DPYSL3: variants seen among roughly 807,000 people sequenced by gnomAD.
The protein encoded by DPYSL3 is dihydropyrimidinase-related protein 3.
A neutral mutation model predicts 66.1 loss-of-function variants in DPYSL3; 16 were observed. That is an observed-to-expected ratio of 0.24 (90% CI 0.16 to 0.37). The LOEUF (loss-of-function observed/expected upper bound fraction) is 0.37, where lower values mean the gene tolerates loss of function less well. Ranked by LOEUF, DPYSL3 falls within the 10% of genes least tolerant of loss-of-function variation. DPYSL3 has a pLI of 1.00. For missense variants in DPYSL3, 738 were observed against 916.2 expected (o/e 0.81, Z 2.51); for synonymous variants, 338 against 345.1 (o/e 0.98, Z 0.23).
intron 1 of DPYSL3, among the ~76,000 whole-genome samples, chr5:147,484,985 C>T (rs1753309039): frequency 6.6e-6 from 1 of 152,162 alleles, no homozygotes; most frequent in African/African-American, 2.4e-5. Flanking sequence ...GTGGGCCATA[C>T]TTTTTATATT....
rs1757783748 is a variant in DPYSL3, at chr5:147,391,021, A to G, written c.*3014T>C. 6.6e-6 allele frequency: 1 copy of G among 152,654 alleles called. No homozygotes were observed. Among genetic ancestry groups the G allele is most frequent in the South Asian group, 2.1e-4 (1 of 4,830 alleles). The allele number at this position is 152,654 out of a possible 1,614,324, so 9.5% of individuals were successfully genotyped here. ...CAGACACAGAACTGAACACCCACAC[A>G]CCAGTTTTCAAAGAGGGAACTTACA... On this transcript the variant is annotated 3_prime_UTR_variant, in exon 14 of 14. Coordinates refer to ENST00000343218, the MANE Select transcript of DPYSL3 (RefSeq NM_001197294.2).
At chr5:147,477,317 C>G (rs904622965) in intron 1 of DPYSL3, among the ~76,000 whole-genome samples, 2 of 151,470 alleles carry the variant, frequency 1.3e-5, no homozygotes, top group African/African-American at 4.9e-5. Context: ...ATAACTATGA[C>G]CAGATAGCCC....
intron 1 of DPYSL3, among the ~76,000 whole-genome samples, chr5:147,425,399 A>C (rs1407164554): frequency 6.6e-6 from 1 of 152,224 alleles, no homozygotes; most frequent in Non-Finnish European, 1.5e-5. Context: ...ACAAGGAAAG[A>C]AGCTTTTAGA....
rs985633099 is a variant in DPYSL3, at chr5:147,456,581, A to ATT, written c.382-31620_382-31619dup. ...TCTTTCAGCAAATGCTACTGATTCT[A>ATT]TTTTTTTTTTTTTTTTTTTTTTTTT... On this transcript the variant is annotated intron_variant, in intron 1 of 13. Coordinates refer to ENST00000343218, the MANE Select transcript of DPYSL3 (RefSeq NM_001197294.2). Among the ~76,000 whole-genome samples the ATT allele has an allele frequency of 0.013, 1,034 of 80,348 alleles. 104 individuals are homozygous for ATT. The East Asian group carries it at 0.14, about 11-fold the overall frequency. The allele number at this position is 80,348 out of a possible 152,430, so 52.7% of individuals were successfully genotyped here. A position where few individuals can be genotyped will look rare whatever the true frequency, so the allele number is the denominator to read the frequency against.
rs1046190056 is a variant in DPYSL3, at chr5:147,400,697, C to A, written c.1447G>T (p.Ala483Ser). 8.1e-6 allele frequency: 13 copies of A among 1,613,958 alleles called. No individual in the cohort carries two copies. The highest frequency in any genetic ancestry group is 1.1e-5 in the Non-Finnish European group (13 of 1,179,858). ...CCATGACCTCCATGCCTTACCACAGCCTTGTCCCAGATGACAGACATCCGC... is the reference window on the plus strand; with the variant it reads ...CCATGACCTCCATGCCTTACCACAGACTTGTCCCAGATGACAGACATCCGC... Reference protein sequence around the residue: ...EERMSVIWDKAVATGKMDENQ... With the variant: ...EERMSVIWDKSVATGKMDENQ... The change falls in exon 10 of 14, where the codon GCT becomes TCT. Residue 483 changes from alanine (A) to serine (S), a missense_variant. Coordinates refer to ENST00000343218, the MANE Select transcript of DPYSL3 (RefSeq NM_001197294.2).
At chr5:147,476,918 T>C (rs1285277049) in intron 1 of DPYSL3, among the ~76,000 whole-genome samples, 1 of 152,200 alleles carries the variant, frequency 6.6e-6, no homozygotes, top group Non-Finnish European at 1.5e-5. Context: ...TTAGATGCTT[T>C]AGAATCAGGT....
At chr5:147,404,639 C>T (rs141301053) in intron 8 of DPYSL3, among the ~76,000 whole-genome samples, 2 of 152,194 alleles carry the variant, frequency 1.3e-5, no homozygotes, top group Non-Finnish European at 1.5e-5. Context: ...ACTGAGCCCA[C>T]GAGTCTGACA....
intron 1 of DPYSL3, among the ~76,000 whole-genome samples, chr5:147,435,439 T>C (rs527806029): frequency 6.6e-6 from 1 of 152,258 alleles, no homozygotes; most frequent in Admixed American, 6.5e-5. Flanking sequence ...GGTCCAATAT[T>C]ACACAACCAA....
At chr5:147,484,474 C>A (rs1028463601) in intron 1 of DPYSL3, among the ~76,000 whole-genome samples, 5 of 152,238 alleles carry the variant, frequency 3.3e-5, no homozygotes, top group Non-Finnish European at 7.3e-5. Flanking sequence ...TAAATATCAA[C>A]AACCTACGTC....
chr5:147,409,922 T>C (rs2152020095), intron 6 of DPYSL3, among the ~76,000 whole-genome samples: 2 of 152,286 alleles, frequency 1.3e-5, no homozygotes, highest in Non-Finnish European at 2.9e-5. Flanking sequence ...AATAGAAATC[T>C]CTAAAAGAGG....
At position 147,392,045 on chromosome 5, in the gene DPYSL3, C is replaced by A. The variant is rs1757825377; in HGVS notation, c.*1990G>T. On this transcript the variant is annotated 3_prime_UTR_variant, in exon 14 of 14. Coordinates refer to ENST00000343218, the MANE Select transcript of DPYSL3 (RefSeq NM_001197294.2). ...TTATGTGTGTCTTTTCCTCTATCTGCTGGCTGTGGCTGGTACTGCAACCTA... is the reference window on the plus strand; with the variant it reads ...TTATGTGTGTCTTTTCCTCTATCTGATGGCTGTGGCTGGTACTGCAACCTA... 1 of 152,208 alleles carries A rather than the reference C, an allele frequency of 6.6e-6. No individual in the cohort carries two copies. Among genetic ancestry groups the A allele is most frequent in the African/African-American group, 2.4e-5 (1 of 41,436 alleles). The allele number at this position is 152,208 out of a possible 1,614,324, so 9.4% of individuals were successfully genotyped here.
chr5:147,434,742 G>A (rs529563080), intron 1 of DPYSL3, among the ~76,000 whole-genome samples: 1 of 152,048 alleles, frequency 6.6e-6, no homozygotes. Flanking sequence ...GTTGGGGCGG[G>A]GGGTAGGGGA....
chr5:147,401,089 G>GTAC (rs1758162378), intron 9 of DPYSL3, among the ~76,000 whole-genome samples: 3 of 152,182 alleles, frequency 2.0e-5, no homozygotes, highest in Non-Finnish European at 1.5e-5. Flanking sequence ...AATGAGCAAT[G>GTAC]TCATGATCCT....
intron 1 of DPYSL3, among the ~76,000 whole-genome samples, chr5:147,503,574 G>A (rs1184856876): frequency 6.6e-6 from 1 of 152,194 alleles, no homozygotes; most frequent in African/African-American, 2.4e-5. Context: ...TTACAGGCAT[G>A]AGCCACAATG....
chr5:147,417,040 C>T (rs750313666), intron 3 of DPYSL3, among the ~76,000 whole-genome samples: 3 of 152,122 alleles, frequency 2.0e-5, no homozygotes, highest in Non-Finnish European at 4.4e-5. Context: ...ACTCTAACAG[C>T]GATGTGGGAT....
rs574012148 is a variant in DPYSL3 at position 147,472,410 on chromosome 5, A to G, written c.381+37068T>C. Among the ~76,000 whole-genome samples, 3 of 152,348 alleles carry G rather than the reference A, an allele frequency of 2.0e-5. No individual in the cohort carries two copies. In the South Asian group the frequency reaches 6.2e-4, roughly 32 times the overall value. ...CCCAAGTTTTAGCCATGTCTATTTT[A>G]TTAACAAATTGACCCTAAGCAATTC... On this transcript the variant is annotated intron_variant, in intron 1 of 13. Coordinates refer to ENST00000343218, the MANE Select transcript of DPYSL3 (RefSeq NM_001197294.2).
chr5:147,442,541 C>A (rs936061480), intron 1 of DPYSL3, among the ~76,000 whole-genome samples: 6 of 152,138 alleles, frequency 3.9e-5, no homozygotes, highest in African/African-American at 1.4e-4. Context: ...GAAGATTACT[C>A]AACCTCTCAT....
At chr5:147,479,458 T>C (rs573844281) in intron 1 of DPYSL3, among the ~76,000 whole-genome samples, 3 of 152,280 alleles carry the variant, frequency 2.0e-5, no homozygotes, top group Admixed American at 1.3e-4. Flanking sequence ...GTGAAGGACA[T>C]TTTATCTTGT....
At chr5:147,426,192 G>T (rs939590120) in intron 1 of DPYSL3, among the ~76,000 whole-genome samples, 1 of 152,148 alleles carries the variant, frequency 6.6e-6, no homozygotes, top group Non-Finnish European at 1.5e-5. Flanking sequence ...TTGTTTAGAG[G>T]CTGGAAAATG....
Sources: allele counts gnomAD v4.1 joint callset (sites outside exome capture counted in the v4.1 genomes callset), GRCh38; gene constraint gnomAD v4.1.1; transcripts MANE v1.5; gene names NCBI Gene and HGNC (gene_info 2026-07-23, HGNC 2026-07-21).